Variants in GRIN2A observed in about 807,000 individuals in gnomAD.
GRIN2A encodes the protein glutamate ionotropic receptor NMDA type subunit 2A.
Under a neutral mutation model 113.4 loss-of-function variants are expected in GRIN2A, and 22 were observed. That is an observed-to-expected ratio of 0.19 (90% CI 0.14 to 0.28). The LOEUF is 0.28. GRIN2A is among the 10% of genes least tolerant of loss of function. The pLI is 1.00. For missense variants in GRIN2A, 1,502 were observed against 1,887.0 expected, an observed-to-expected ratio of 0.80 and a Z score of 3.78; for synonymous variants, 827 against 738.4, an observed-to-expected ratio of 1.12 and a Z score of -1.94.
At chr16:10,029,015 C>G (rs564851691) in intron 2 of GRIN2A, among the ~76,000 whole-genome samples, 57 of 152,254 alleles carry the variant, frequency 3.7e-4, no homozygotes, top group African/African-American at 1.3e-3. Flanking sequence ...TGGTTTCCTT[C>G]TTAGTCTCCT....
rs74985384 is a variant in GRIN2A, at chr16:9,757,358, CTT to C, written c.*5789_*5790del. 2.3e-3 allele frequency: 445 copies of C among 193,714 alleles called. No homozygotes were observed. Among genetic ancestry groups the C allele is most frequent in the East Asian group, 3.9e-3 (50 of 12,838 alleles). 12.0% of individuals were successfully genotyped at this position (193,714 alleles called of 1,614,324 possible). On this transcript the variant is annotated 3_prime_UTR_variant, in exon 13 of 13. Coordinates refer to ENST00000330684, the MANE Select transcript of GRIN2A (RefSeq NM_001134407.3). ...AGTTACTTAAAGGTTTAGGGAAGGA[CTT>C]TTTTTTTTTTTTTAAAAAAGGTATG...
At chr16:10,027,389 C>T (rs1209419262) in intron 2 of GRIN2A, among the ~76,000 whole-genome samples, 1 of 152,186 alleles carries the variant, frequency 6.6e-6, no homozygotes, top group Non-Finnish European at 1.5e-5. Context: ...GCCAGTGCTC[C>T]AAGGAACGTT....
At chr16:9,919,837 A>T (rs867491382) in intron 3 of GRIN2A, among the ~76,000 whole-genome samples, 1 of 152,308 alleles carries the variant, frequency 6.6e-6, no homozygotes, top group East Asian at 1.9e-4. Context: ...AGACCCTCCA[A>T]GCAATTTCCC....
chr16:9,933,104 TA>T (rs796808541), intron 3 of GRIN2A, among the ~76,000 whole-genome samples: 4 of 152,358 alleles, frequency 2.6e-5, no homozygotes, highest in African/African-American at 9.6e-5. Flanking sequence ...GCAAGGAGGT[TA>T]TATAACATGG....
At chr16:10,148,130 C>T (rs576634146) in intron 2 of GRIN2A, among the ~76,000 whole-genome samples, 1 of 152,298 alleles carries the variant, frequency 6.6e-6, no homozygotes, top group African/African-American at 2.4e-5. Flanking sequence ...CATTGTAGAG[C>T]CCAGGAATTG....
chr16:9,979,248 C>T (rs1567213262), intron 2 of GRIN2A, among the ~76,000 whole-genome samples: 1 of 152,180 alleles, frequency 6.6e-6, no homozygotes, highest in Non-Finnish European at 1.5e-5. Flanking sequence ...GTTGCCTTAT[C>T]TGTGAAATCT....
At chr16:9,940,337 T>C (rs1455546072) in intron 2 of GRIN2A, among the ~76,000 whole-genome samples, 2 of 152,176 alleles carry the variant, frequency 1.3e-5, no homozygotes, top group Non-Finnish European at 2.9e-5. Flanking sequence ...CCTTCCAACA[T>C]TGCAGTTCCA....
chr16:9,798,627 G>A (rs1314866887), intron 10 of GRIN2A, among the ~76,000 whole-genome samples, 163 bp from the exon 11 acceptor site: 1 of 152,166 alleles, frequency 6.6e-6, no homozygotes, highest in African/African-American at 2.4e-5. Flanking sequence ...TATTTTTAAT[G>A]AGGAGATAAA....
chr16:9,818,871 TC>T (rs2042231447), intron 10 of GRIN2A, among the ~76,000 whole-genome samples: 1 of 152,204 alleles, frequency 6.6e-6, no homozygotes, highest in South Asian at 2.1e-4. Flanking sequence ...ACCCACTCTT[TC>T]AAGAAATTTA....
At chr16:9,979,563 C>G (rs1183465233) in intron 2 of GRIN2A, among the ~76,000 whole-genome samples, 1 of 152,036 alleles carries the variant, frequency 6.6e-6, no homozygotes, top group Non-Finnish European at 1.5e-5. Flanking sequence ...CACCACAGCT[C>G]TGCTTATTAC....
At chr16:9,872,127 TC>T (rs1179861785) in intron 4 of GRIN2A, among the ~76,000 whole-genome samples, 2 of 152,194 alleles carry the variant, frequency 1.3e-5, no homozygotes, top group Non-Finnish European at 1.5e-5. Context: ...AGCTTTAATA[TC>T]CTCACAGGAA....
At chr16:9,882,500 G>A (rs1363256048) in intron 4 of GRIN2A, among the ~76,000 whole-genome samples, 1 of 152,144 alleles carries the variant, frequency 6.6e-6, no homozygotes, top group Non-Finnish European at 1.5e-5. Flanking sequence ...CCAAAAAATA[G>A]AAGGGGCCGG....
At chr16:9,801,189 C>A (rs1903340401) in intron 10 of GRIN2A, among the ~76,000 whole-genome samples, 1 of 152,202 alleles carries the variant, frequency 6.6e-6, no homozygotes, top group South Asian at 2.1e-4. Flanking sequence ...CACATGTATC[C>A]TAAGGACTTA....
chr16:9,797,590 TACA>T (rs1460603251), intron 11 of GRIN2A, among the ~76,000 whole-genome samples: 1 of 152,188 alleles, frequency 6.6e-6, no homozygotes, highest in African/African-American at 2.4e-5. Flanking sequence ...GCCATGTTGG[TACA>T]ACATGACTCC....
intron 4 of GRIN2A, among the ~76,000 whole-genome samples, chr16:9,883,774 G>T (rs942943673): frequency 3.3e-5 from 5 of 152,196 alleles, no homozygotes; most frequent in African/African-American, 4.8e-5. Context: ...GGGCTGGAGG[G>T]AGAGATCTGG....
intron 2 of GRIN2A, among the ~76,000 whole-genome samples, chr16:10,151,478 A>T (rs2049571096): frequency 6.6e-6 from 1 of 152,176 alleles, no homozygotes; most frequent in Non-Finnish European, 1.5e-5. Flanking sequence ...TCAAGGTGCA[A>T]ACATATTACC....
intron 12 of GRIN2A, among the ~76,000 whole-genome samples, chr16:9,766,593 G>A (rs112248426): frequency 0.024 from 3,592 of 152,218 alleles, 65 homozygotes; most frequent in African/African-American, 0.057. Flanking sequence ...TGTTTGTCCT[G>A]CCACAAAATA....
chr16:9,797,675 G>C (rs1393755940), intron 11 of GRIN2A, among the ~76,000 whole-genome samples: 1 of 152,134 alleles, frequency 6.6e-6, no homozygotes, highest in Non-Finnish European at 1.5e-5. Context: ...CCTTTCTCTG[G>C]AGTGAAATTG....
intron 11 of GRIN2A, among the ~76,000 whole-genome samples, chr16:9,771,159 T>C (rs1420711460): frequency 1.3e-5 from 2 of 152,152 alleles, no homozygotes; most frequent in Non-Finnish European, 2.9e-5. Flanking sequence ...TAGCTCATTA[T>C]TTCAATTTGC....
Sources: allele counts gnomAD v4.1 joint callset (sites outside exome capture counted in the v4.1 genomes callset), GRCh38; gene constraint gnomAD v4.1.1; transcripts MANE v1.5; gene names NCBI Gene and HGNC (gene_info 2026-07-23, HGNC 2026-07-21).